The following NR6A1 variants were observed in gnomAD, a reference collection of about 807,000 sequenced individuals.
The protein encoded by NR6A1 is nuclear receptor subfamily 6 group A member 1.
A neutral mutation model predicts 59.1 loss-of-function variants in NR6A1; 7 were observed. The observed-to-expected ratio is 0.12, with a 90% CI of 0.07 to 0.22. NR6A1 has a LOEUF of 0.22. NR6A1 is among the 10% of genes least tolerant of loss of function. NR6A1 has a pLI of 1.00. For missense variants in NR6A1, 468 were observed against 611.6 expected (o/e 0.77, Z 2.48); for synonymous variants, 243 against 236.1 (o/e 1.03, Z -0.27).
chr9:124,648,164 A>G (rs1836993679), intron 2 of NR6A1, among the ~76,000 whole-genome samples: 1 of 152,172 alleles, frequency 6.6e-6, no homozygotes, highest in African/African-American at 2.4e-5. Context: ...ACAAATCCAT[A>G]AACAGGATAT....
chr9:124,608,590 G>A (rs1835642631), intron 2 of NR6A1, among the ~76,000 whole-genome samples: 1 of 152,084 alleles, frequency 6.6e-6, no homozygotes, highest in Non-Finnish European at 1.5e-5. Flanking sequence ...TGTGAATAGT[G>A]CTGCAATGAA....
intron 2 of NR6A1, among the ~76,000 whole-genome samples, chr9:124,702,366 T>C (rs573009581): frequency 7.1e-4 from 108 of 152,294 alleles, no homozygotes; most frequent in Non-Finnish European, 8.4e-4. Context: ...AAAACTATGA[T>C]TTCCTCCACT....
chr9:124,656,519 T>A (rs1837262839), intron 2 of NR6A1, among the ~76,000 whole-genome samples: 1 of 152,126 alleles, frequency 6.6e-6, no homozygotes, highest in African/African-American at 2.4e-5. Flanking sequence ...ATATGAGGTA[T>A]CTAGAGTAGT....
intron 4 of NR6A1, among the ~76,000 whole-genome samples, chr9:124,540,886 C>A (rs1255516922): frequency 2.6e-5 from 4 of 152,148 alleles, no homozygotes; most frequent in Non-Finnish European, 4.4e-5. Flanking sequence ...TGGATACTCT[C>A]TTCAACAAAT....
intron 2 of NR6A1, among the ~76,000 whole-genome samples, chr9:124,575,356 C>CT (rs1290910434): frequency 5.3e-5 from 8 of 152,256 alleles, no homozygotes; most frequent in African/African-American, 1.4e-4. Context: ...GGCAGACTGT[C>CT]TGAGCTCAGG....
chr9:124,660,648 C>CAAA (rs753242760), intron 2 of NR6A1, among the ~76,000 whole-genome samples: 2,759 of 92,748 alleles, frequency 0.03, 195 homozygotes, highest in African/African-American at 0.099. Context: ...TCTGAGAATA[C>CAAA]AAAAAAAAAA....
chr9:124,674,078 A>G (rs1000816563), intron 2 of NR6A1, among the ~76,000 whole-genome samples: 3 of 152,216 alleles, frequency 2.0e-5, no homozygotes, highest in Admixed American at 6.5e-5. Context: ...AATCATCCAC[A>G]TAACTACTGT....
chr9:124,561,875 G>A (rs752586627), intron 2 of NR6A1, among the ~76,000 whole-genome samples: 1 of 152,130 alleles, frequency 6.6e-6, no homozygotes, highest in Non-Finnish European at 1.5e-5. Context: ...TTGCACCACT[G>A]CACTCCAGCC....
intron 2 of NR6A1, chr9:124,595,738 C>G (rs988861649): frequency 1.1e-5 from 14 of 1,261,930 alleles, no homozygotes; most frequent in Non-Finnish European, 1.5e-5. Flanking sequence ...GGGCCCCAGA[C>G]TGTTCCTTAC....
chr9:124,566,233 AAAG>A (rs530057560), intron 2 of NR6A1, among the ~76,000 whole-genome samples: 47 of 152,364 alleles, frequency 3.1e-4, no homozygotes, highest in Non-Finnish European at 5.1e-4. Flanking sequence ...TAAAACAGGC[AAAG>A]AAGGGAAAGA....
intron 1 of NR6A1, among the ~76,000 whole-genome samples, chr9:124,767,785 TC>T (rs1163321857): frequency 6.6e-6 from 1 of 152,246 alleles, no homozygotes; most frequent in African/African-American, 2.4e-5. Context: ...CCCCATTTCC[TC>T]TAAAGTGTAA....
At chr9:124,615,323 C>G (rs1311810541) in intron 2 of NR6A1, among the ~76,000 whole-genome samples, 1 of 152,108 alleles carries the variant, frequency 6.6e-6, no homozygotes, top group African/African-American at 2.4e-5. Context: ...TGATAATAGG[C>G]CTCTGAGAGG....
chr9:124,682,577 T>C (rs1838201074), intron 2 of NR6A1, among the ~76,000 whole-genome samples: 1 of 152,210 alleles, frequency 6.6e-6, no homozygotes, highest in South Asian at 2.1e-4. Flanking sequence ...TAGCTATTTT[T>C]ACAGCTTTAT....
chr9:124,628,176 C>T (rs777412439), intron 2 of NR6A1, among the ~76,000 whole-genome samples: 6 of 151,696 alleles, frequency 4.0e-5, no homozygotes, highest in African/African-American at 1.2e-4. Context: ...TACAGGCGCA[C>T]GCCACCACAC....
At chr9:124,732,696 A>T (rs1588838097) in intron 2 of NR6A1, among the ~76,000 whole-genome samples, 1 of 151,586 alleles carries the variant, frequency 6.6e-6, no homozygotes. Flanking sequence ...TGCAAGTACG[A>T]ATTTTTTTTT....
intron 1 of NR6A1, among the ~76,000 whole-genome samples, chr9:124,741,044 G>A (rs960069485): frequency 2.6e-5 from 4 of 152,170 alleles, no homozygotes; most frequent in African/African-American, 4.8e-5. Context: ...GCCTAGATAA[G>A]CACTGTCCAA....
chr9:124,526,418 T>A (rs1054468828), intron 8 of NR6A1, among the ~76,000 whole-genome samples: 1 of 152,150 alleles, frequency 6.6e-6, no homozygotes. Context: ...CTGCTCTTCT[T>A]CAGTCACTGG....
chr9:124,541,109 A>G (rs1833428834), intron 4 of NR6A1, among the ~76,000 whole-genome samples: 1 of 152,230 alleles, frequency 6.6e-6, no homozygotes, highest in Admixed American at 6.5e-5. Context: ...AGTACAGACA[A>G]CAGAACAAAA....
chr9:124,738,185 C>T (rs1395848959), intron 1 of NR6A1, among the ~76,000 whole-genome samples: 1 of 152,052 alleles, frequency 6.6e-6, no homozygotes, highest in Non-Finnish European at 1.5e-5. Context: ...ACCTGGGAGG[C>T]GGAGGTTGCA....
Sources: allele counts gnomAD v4.1 joint callset (sites outside exome capture counted in the v4.1 genomes callset), GRCh38; gene constraint gnomAD v4.1.1; transcripts MANE v1.5; gene names NCBI Gene and HGNC (gene_info 2026-07-23, HGNC 2026-07-21).